The following SPATA2 variants were observed in gnomAD, a reference collection of about 807,000 sequenced individuals.
SPATA2 encodes the protein spermatogenesis associated 2.
SPATA2 carries 8 observed loss-of-function variants against 35.4 expected under a neutral mutation model. That is an observed-to-expected ratio of 0.23 (90% CI 0.13 to 0.41). The LOEUF (loss-of-function observed/expected upper bound fraction) is 0.41, where lower values mean the gene tolerates loss of function less well. Among genes scored for constraint, SPATA2 ranks in the 10% least tolerant of loss-of-function variants. The pLI is 1.00. For synonymous variants in SPATA2, 293 were observed against 300.9 expected (o/e 0.97, Z 0.27); for missense variants, 650 against 698.7 (o/e 0.93, Z 0.79).
intron 1 of SPATA2, among the ~76,000 whole-genome samples, chr20:49,912,156 A>T (rs2090185284): frequency 6.6e-6 from 1 of 152,202 alleles, no homozygotes; most frequent in Admixed American, 6.5e-5. Context: ...ATATTCTCTT[A>T]AAAAATAAAA....
intron 1 of SPATA2, among the ~76,000 whole-genome samples, chr20:49,912,542 C>T (rs1448606933): frequency 6.6e-6 from 1 of 152,204 alleles, no homozygotes; most frequent in Non-Finnish European, 1.5e-5. Flanking sequence ...ACGCCTCTGG[C>T]CCCAGGGTCT....
At chr20:49,912,172 G>A (rs73271191) in intron 1 of SPATA2, among the ~76,000 whole-genome samples, 1 of 152,120 alleles carries the variant, frequency 6.6e-6, no homozygotes, top group Non-Finnish European at 1.5e-5. Context: ...TAAAAATGCA[G>A]GCCAGGCGCG....
Position 49,908,196 on chromosome 20 carries a change from G to A in SPATA2, c.295C>T (p.Leu99Phe). The A allele has an allele frequency of 1.2e-6, 2 of 1,613,282 alleles. No individual in the cohort carries two copies. Among genetic ancestry groups the A allele is most frequent in the Non-Finnish European group, 1.7e-6 (2 of 1,179,722 alleles). The change falls in exon 2 of 3, where the codon CTC becomes TTC. Residue 99 changes from leucine to phenylalanine, a missense_variant. Leu to Phe is a conservative substitution (Grantham distance 22, BLOSUM62 0). Transcript: ENST00000289431. Reference sequence around the variant, plus strand: ...TCCTTCTTCCACGGGTAGAGGAAGAGGTTGATGCCCACCGTCTCCAGCATG... The same window carrying A: ...TCCTTCTTCCACGGGTAGAGGAAGAAGTTGATGCCCACCGTCTCCAGCATG... ...FSMLETVGIN[L>F]FLYPWKKEFR...
chr20:49,909,156 G>A (rs2090167944), intron 1 of SPATA2, among the ~76,000 whole-genome samples: 1 of 152,090 alleles, frequency 6.6e-6, no homozygotes, highest in African/African-American at 2.4e-5. Context: ...CCAAGTAGCT[G>A]GGATTACAGG....
rs554128223 is a variant in SPATA2 at position 49,905,144 on chromosome 20, G to A, written c.*475C>T. Reference sequence around the variant, plus strand: ...GGGATGAGCCTTTGGGAGAGGCCCCGTGTGGCAGGAGGGCTCATTTCACAA... The same window carrying A: ...GGGATGAGCCTTTGGGAGAGGCCCCATGTGGCAGGAGGGCTCATTTCACAA... On this transcript the variant is annotated 3_prime_UTR_variant, in exon 3 of 3. Coordinates refer to ENST00000289431, the MANE Select transcript of SPATA2 (RefSeq NM_006038.4). 160 of 159,584 alleles carry A rather than the reference G, an allele frequency of 1.0e-3. No individual in the cohort carries two copies. The highest frequency in any genetic ancestry group is 2.9e-3 in the African/African-American group (121 of 41,648). The allele number at this position is 159,584 out of a possible 1,614,324, so 9.9% of individuals were successfully genotyped here.
rs913368020 is a variant in SPATA2 at position 49,903,740 on chromosome 20, G to C, written c.*1879C>G. 5.9e-5 allele frequency: 9 copies of C among 151,876 alleles called. No homozygotes were observed. The highest frequency in any genetic ancestry group is 1.7e-4 in the African/African-American group (7 of 41,310). 9.4% of individuals were successfully genotyped at this position (151,876 alleles called of 1,614,324 possible). On this transcript the variant is annotated 3_prime_UTR_variant, in exon 3 of 3. Transcript: ENST00000289431. The stretch of plus-strand genomic sequence containing the variant: ...GGCGCAATCTGGAAATGGAAAACTA[G>C]AAAACTAGAGCTCTCAGGAGTGGGC...
intron 2 of SPATA2, 61 bp downstream of exon 2, chr20:49,908,094 G>A (rs2090158999): frequency 1.3e-6 from 2 of 1,488,128 alleles, no homozygotes; most frequent in East Asian, 2.3e-5. Flanking sequence ...CTCTCAGGAG[G>A]GACTGCCAGG....
intron 1 of SPATA2, among the ~76,000 whole-genome samples, chr20:49,910,590 C>T (rs778492769): frequency 6.6e-6 from 1 of 152,132 alleles, no homozygotes; most frequent in Non-Finnish European, 1.5e-5. Context: ...GTGTGGGAGA[C>T]AGCAAGGGGC....
chr20:49,910,137 G>C (rs1339495685), intron 1 of SPATA2, among the ~76,000 whole-genome samples: 1 of 152,188 alleles, frequency 6.6e-6, no homozygotes, highest in African/African-American at 2.4e-5. Context: ...TTAATGGAGG[G>C]ACACTGCCAG....
chr20:49,913,918 G>A (rs1427624398), intron 1 of SPATA2, among the ~76,000 whole-genome samples: 3 of 151,532 alleles, frequency 2.0e-5, no homozygotes, highest in Non-Finnish European at 4.4e-5. Flanking sequence ...AACAAAATAC[G>A]CTCTCTGCAA....
chr20:49,906,683 A>G lies in SPATA2; in HGVS notation c.499T>C (p.Phe167Leu). Residue 167 changes from phenylalanine to leucine, a missense_variant, in exon 3 of 3, where the codon TTT becomes CTT. Coordinates refer to ENST00000289431, the MANE Select transcript of SPATA2 (RefSeq NM_006038.4). This position sits in a 1 kb window ranked among gnomAD's most constrained non-coding sequence, Gnocchi z 8.2. ...LQVKMVSFEL[F>L]LAKVECEQML... is the part of the protein sequence containing the mutation. ...TGCTCACACTCGACTTTGGCCAGAA[A>G]GAGCTCAAAGGAGACCATCTTCACC... 2 of 1,614,242 alleles carry G rather than the reference A, an allele frequency of 1.2e-6. No homozygotes were observed. Among genetic ancestry groups the G allele is most frequent in the Non-Finnish European group, 1.7e-6 (2 of 1,180,052 alleles).
chr20:49,910,065 T>G (rs1352626096), intron 1 of SPATA2, among the ~76,000 whole-genome samples: 1 of 152,134 alleles, frequency 6.6e-6, no homozygotes, highest in South Asian at 2.1e-4. Context: ...AGCCACTTGT[T>G]AGTAGAACAG....
chr20:49,914,075 T>C (rs2090196135), intron 1 of SPATA2, among the ~76,000 whole-genome samples: 1 of 149,392 alleles, frequency 6.7e-6, no homozygotes, highest in Non-Finnish European at 1.5e-5. Flanking sequence ...AACAGCACTG[T>C]GAATATCCTG....
chr20:49,909,179 C>G (rs886362702), intron 1 of SPATA2, among the ~76,000 whole-genome samples: 1 of 152,062 alleles, frequency 6.6e-6, no homozygotes, highest in Non-Finnish European at 1.5e-5. Context: ...CCTGCCACCA[C>G]GCCTGGTTAA....
At position 49,903,947 on chromosome 20, in the gene SPATA2, A is replaced by ATATATATATATATG. The variant is rs2090124784; in HGVS notation, c.*1671_*1672insCATATATATATATA. 1.0e-5 allele frequency: 1 copy of ATATATATATATATG among 96,850 alleles called. No individual in the cohort carries two copies. The highest frequency in any genetic ancestry group is 2.2e-5 in the Non-Finnish European group (1 of 46,172). 6.0% of individuals were successfully genotyped at this position (96,850 alleles called of 1,614,324 possible). ...TATATATATATATATATATATATAT[A>ATATATATATATATG]TATATTAAAAAGAGAGCCATAGAAG... is the stretch of plus-strand genomic sequence containing the variant. On this transcript the variant is annotated 3_prime_UTR_variant, in exon 3 of 3. Transcript: ENST00000289431.
rs1298159778 is a variant in SPATA2 at position 49,905,297 on chromosome 20, T to TAAAGG, written c.*317_*321dup. On this transcript the variant is annotated 3_prime_UTR_variant, in exon 3 of 3. Transcript: ENST00000289431. ...GGGTCCCAGAGACAGAAATCCTCTT[T>TAAAGG]AAAGGAAAAAACAAAACAACAAAAC... is the stretch of plus-strand genomic sequence containing the variant. 1 of 323,616 alleles carries TAAAGG rather than the reference T, an allele frequency of 3.1e-6. No homozygotes were observed. Among genetic ancestry groups the TAAAGG allele is most frequent in the Non-Finnish European group, 5.7e-6 (1 of 174,200 alleles). 20.0% of individuals were successfully genotyped at this position (323,616 alleles called of 1,614,324 possible).
intron 1 of SPATA2, among the ~76,000 whole-genome samples, chr20:49,909,382 A>T (rs922282106): frequency 6.6e-6 from 1 of 151,862 alleles, no homozygotes; most frequent in Non-Finnish European, 1.5e-5. Context: ...CCAGTGGACC[A>T]TGTGCAAACT....
chr20:49,903,631 ATG>A lies in SPATA2; in HGVS notation c.*1986_*1987del, dbSNP rs950645690. On this transcript the variant is annotated 3_prime_UTR_variant, in exon 3 of 3. Coordinates refer to ENST00000289431, the MANE Select transcript of SPATA2 (RefSeq NM_006038.4). ...GGTACACTGGACTTTCCCTCCTAGG[ATG>A]TGTTAGTCATTCCTGCTTTTGTCCA... 11 of 152,070 alleles carry A rather than the reference ATG, an allele frequency of 7.2e-5. No individual in the cohort carries two copies. The highest frequency in any genetic ancestry group is 2.2e-4 in the African/African-American group (9 of 41,476). 9.4% of individuals were successfully genotyped at this position (152,070 alleles called of 1,614,324 possible).
intron 1 of SPATA2, among the ~76,000 whole-genome samples, chr20:49,910,165 C>T (rs540084681): frequency 3.9e-5 from 6 of 152,214 alleles, no homozygotes; most frequent in Non-Finnish European, 5.9e-5. Context: ...GGAGACAACA[C>T]GCGCAGGGTC....
Sources: allele counts gnomAD v4.1 joint callset (sites outside exome capture counted in the v4.1 genomes callset), GRCh38; gene constraint gnomAD v4.1.1; non-coding constraint Gnocchi (gnomAD v3.1); transcripts MANE v1.5; gene names NCBI Gene and HGNC (gene_info 2026-07-23, HGNC 2026-07-21).